FILIP1L: variants seen among roughly 807,000 people sequenced by gnomAD.
FILIP1L encodes filamin A-interacting protein 1-like.
Under a neutral mutation model 96.6 loss-of-function variants are expected in FILIP1L, and 55 were observed. The ratio of observed to expected loss-of-function variants is 0.57; its 90% CI spans 0.46 to 0.71. The LOEUF (loss-of-function observed/expected upper bound fraction) is 0.71, where lower values mean the gene tolerates loss of function less well. Ranked by LOEUF, FILIP1L falls within the 30% of genes least tolerant of loss-of-function variation. The pLI, the probability that FILIP1L is intolerant of heterozygous loss-of-function variation, is 0.00. For missense variants in FILIP1L, 1,304 were observed against 1,321.2 expected, an observed-to-expected ratio of 0.99 and a Z score of 0.20; for synonymous variants, 467 against 473.9, an observed-to-expected ratio of 0.99 and a Z score of 0.19.
intron 4 of FILIP1L, among the ~76,000 whole-genome samples, chr3:99,880,008 C>CA (rs763545155): frequency 3.9e-5 from 6 of 152,166 alleles, no homozygotes; most frequent in Non-Finnish European, 8.8e-5. Flanking sequence ...AGCCTTCTTG[C>CA]AAAGCAGCTT....
intron 1 of FILIP1L, among the ~76,000 whole-genome samples, chr3:100,111,195 C>T (rs1303973469): frequency 1.3e-5 from 2 of 152,046 alleles, no homozygotes; most frequent in Non-Finnish European, 2.9e-5. Context: ...CCTAGAAGGG[C>T]AATGGAGGCA....
chr3:99,840,265 C>T (rs1943076096), intron 5 of FILIP1L, among the ~76,000 whole-genome samples: 1 of 147,312 alleles, frequency 6.8e-6, no homozygotes, highest in Admixed American at 6.8e-5. Context: ...GCTCTGTCGC[C>T]CAGGCTGGAG....
At chr3:100,022,244 A>G (rs1287706026) in intron 1 of FILIP1L, among the ~76,000 whole-genome samples, 4 of 152,286 alleles carry the variant, frequency 2.6e-5, no homozygotes, top group Non-Finnish European at 4.4e-5. Flanking sequence ...CGTCAAACAC[A>G]GTTCTGTCCT....
intron 4 of FILIP1L, among the ~76,000 whole-genome samples, chr3:99,878,975 TAG>T (rs1705630289): frequency 6.6e-6 from 1 of 152,230 alleles, no homozygotes; most frequent in Non-Finnish European, 1.5e-5. Flanking sequence ...GTGAAAATAG[TAG>T]AGTTATGATC....
chr3:99,977,124 T>C (rs1028377665), intron 1 of FILIP1L, among the ~76,000 whole-genome samples: 2 of 152,214 alleles, frequency 1.3e-5, no homozygotes, highest in African/African-American at 4.8e-5. Context: ...AGCACGAACA[T>C]TGTCATGGAG....
At chr3:100,019,287 G>A (rs1433150031) in intron 1 of FILIP1L, among the ~76,000 whole-genome samples, 1 of 152,120 alleles carries the variant, frequency 6.6e-6, no homozygotes, top group Non-Finnish European at 1.5e-5. Flanking sequence ...TTCAGCCCAG[G>A]AGACTGAGGC....
At chr3:99,986,724 C>G (rs1709352434) in intron 1 of FILIP1L, among the ~76,000 whole-genome samples, 1 of 151,978 alleles carries the variant, frequency 6.6e-6, no homozygotes, top group Non-Finnish European at 1.5e-5. Flanking sequence ...TCTAGTGGCC[C>G]TAAGCGGGGG....
At chr3:99,905,966 G>A (rs1352593621) in intron 4 of FILIP1L, among the ~76,000 whole-genome samples, 1 of 152,196 alleles carries the variant, frequency 6.6e-6, no homozygotes, top group Admixed American at 6.5e-5. Flanking sequence ...GCTGAGGCAG[G>A]CAGATCACTT....
chr3:99,977,559 G>T (rs184585905), intron 1 of FILIP1L, among the ~76,000 whole-genome samples: 1 of 152,010 alleles, frequency 6.6e-6, no homozygotes, highest in Admixed American at 6.5e-5. Context: ...CCTCCAAAAA[G>T]AATAAAATTA....
chr3:100,034,662 GAC>G (rs1355590135), intron 1 of FILIP1L, among the ~76,000 whole-genome samples: 1 of 152,180 alleles, frequency 6.6e-6, no homozygotes, highest in African/African-American at 2.4e-5. Context: ...ATTTAGGTAA[GAC>G]AGTGAGTTTA....
At chr3:99,930,355 T>A (rs963863624) in intron 2 of FILIP1L, among the ~76,000 whole-genome samples, 2 of 152,200 alleles carry the variant, frequency 1.3e-5, no homozygotes, top group Admixed American at 1.3e-4. Context: ...TTCTCCTATA[T>A]GTGTACCAGC....
intron 2 of FILIP1L, among the ~76,000 whole-genome samples, chr3:99,930,286 G>T (rs1707436160): frequency 6.6e-6 from 1 of 152,140 alleles, no homozygotes; most frequent in Non-Finnish European, 1.5e-5. Context: ...TTGACAAGCA[G>T]ATATCATGAT....
intron 1 of FILIP1L, among the ~76,000 whole-genome samples, chr3:100,069,448 G>C (rs74324458): frequency 6.6e-6 from 1 of 152,122 alleles, no homozygotes; most frequent in African/African-American, 2.4e-5. Context: ...AGAGAAAGGA[G>C]ATGGCTGGTT....
intron 4 of FILIP1L, among the ~76,000 whole-genome samples, chr3:99,903,066 G>A (rs1392588352): frequency 6.6e-6 from 1 of 151,944 alleles, no homozygotes; most frequent in Non-Finnish European, 1.5e-5. Context: ...TTATACTTTT[G>A]TGTCCCTAGG....
At chr3:99,948,567 G>A (rs1375545597) in intron 1 of FILIP1L, among the ~76,000 whole-genome samples, 1 of 146,496 alleles carries the variant, frequency 6.8e-6, no homozygotes, top group Non-Finnish European at 1.5e-5. Flanking sequence ...AGAAGGAGAA[G>A]GCGAAGGAGA....
chr3:99,896,036 T>C (rs1021247399), intron 4 of FILIP1L, among the ~76,000 whole-genome samples: 11 of 152,128 alleles, frequency 7.2e-5, no homozygotes, highest in African/African-American at 2.2e-4. Flanking sequence ...TTCCATATTA[T>C]AAAGCATGAG....
intron 1 of FILIP1L, among the ~76,000 whole-genome samples, chr3:99,931,922 A>T (rs1707494271): frequency 6.6e-6 from 1 of 152,208 alleles, no homozygotes; most frequent in Admixed American, 6.5e-5. Flanking sequence ...GCATATAAGC[A>T]GATTATTAAT....
At chr3:100,070,922 C>T (rs116270611) in intron 1 of FILIP1L, among the ~76,000 whole-genome samples, 1,651 of 152,218 alleles carry the variant, frequency 0.011, 34 homozygotes, top group African/African-American at 0.036. Flanking sequence ...TGAGTCACCG[C>T]GCCTGGCCTG....
At chr3:99,854,628 A>G (rs1943866051) in intron 4 of FILIP1L, among the ~76,000 whole-genome samples, 1 of 152,118 alleles carries the variant, frequency 6.6e-6, no homozygotes, top group Non-Finnish European at 1.5e-5. Context: ...CAAGATGTTT[A>G]GCAGCATCCC....
Sources: allele counts gnomAD v4.1 joint callset (sites outside exome capture counted in the v4.1 genomes callset), GRCh38; gene constraint gnomAD v4.1.1; transcripts MANE v1.5; gene names NCBI Gene and HGNC (gene_info 2026-07-23, HGNC 2026-07-21).